The following TNR variants were observed in gnomAD, a reference collection of about 807,000 sequenced individuals.
The protein encoded by TNR is tenascin R.
In TNR, 45 loss-of-function variants were observed where a neutral mutation model predicts 150.4. The ratio of observed to expected loss-of-function variants is 0.30; its 90% confidence interval spans 0.24 to 0.38. The LOEUF (loss-of-function observed/expected upper bound fraction) is 0.38, where lower values mean the gene tolerates loss of function less well. Among genes scored for constraint, TNR ranks in the 10% least tolerant of loss-of-function variants. The pLI, the probability that TNR is intolerant of heterozygous loss-of-function variation, is 1.00. For synonymous variants in TNR, 687 were observed against 678.4 expected (o/e 1.01, Z -0.20); for missense variants, 1,544 against 1,759.1 (o/e 0.88, Z 2.19).
chr1:175,730,436 C>A (rs1315131713), intron 1 of TNR, among the ~76,000 whole-genome samples: 2 of 152,322 alleles, frequency 1.3e-5, no homozygotes, highest in East Asian at 1.9e-4. Flanking sequence ...CTACTCCAAC[C>A]AGATTGGGAG....
intron 1 of TNR, among the ~76,000 whole-genome samples, chr1:175,713,746 A>ATC (rs1667083134): frequency 6.6e-6 from 1 of 152,150 alleles, no homozygotes; most frequent in Non-Finnish European, 1.5e-5. Flanking sequence ...CAAAAGAACC[A>ATC]TCTCTGATCA....
intron 1 of TNR, among the ~76,000 whole-genome samples, chr1:175,529,825 G>T (rs1659995728): frequency 1.3e-5 from 2 of 152,028 alleles, no homozygotes; most frequent in Admixed American, 6.6e-5. Context: ...CTCTCAGAAA[G>T]CTTGTCCAAT....
intron 1 of TNR, among the ~76,000 whole-genome samples, chr1:175,682,317 A>T (rs1666058218): frequency 6.6e-6 from 1 of 152,160 alleles, no homozygotes. Flanking sequence ...TAAGCTCCTA[A>T]ATCCTCACAA....
intron 1 of TNR, among the ~76,000 whole-genome samples, chr1:175,667,180 C>T (rs1408767669): frequency 2.0e-5 from 3 of 152,178 alleles, no homozygotes; most frequent in African/African-American, 7.2e-5. Flanking sequence ...CATCTTCCTT[C>T]ACTCCCTAAG....
chr1:175,598,951 C>T (rs909554585), intron 1 of TNR, among the ~76,000 whole-genome samples: 1 of 152,246 alleles, frequency 6.6e-6, no homozygotes, highest in African/African-American at 2.4e-5. Context: ...AGGAACCCCT[C>T]CCTCTTTGTT....
intron 2 of TNR, among the ~76,000 whole-genome samples, chr1:175,503,695 G>A (rs914662127): frequency 2.6e-5 from 4 of 152,132 alleles, no homozygotes; most frequent in African/African-American, 4.8e-5. Flanking sequence ...ATCTCATGAC[G>A]CTCCATTCAC....
rs532162943 is a variant in TNR at position 175,396,443 on chromosome 1, G to A, written c.1240+101C>T. ...CCCCTCAAGGGCAATAACTATTCCA[G>A]GCATCCCTGAAGAACTAAGAAAAGA... On this transcript the variant is annotated intron_variant, in intron 5 of 22. Transcript: ENST00000367674. The A allele has an allele frequency of 2.2e-5, 31 of 1,422,836 alleles. No individual in the cohort carries two copies. The African/African-American group carries it at 4.0e-4, about 18-fold the overall frequency. The allele number at this position is 1,422,836 out of a possible 1,614,324, so 88.1% of individuals were successfully genotyped here.
chr1:175,665,099 T>C (rs1665497209), intron 1 of TNR, among the ~76,000 whole-genome samples: 1 of 152,244 alleles, frequency 6.6e-6, no homozygotes, highest in Non-Finnish European at 1.5e-5. Context: ...GTTAGCCAGT[T>C]GGTCTTCTAA....
chr1:175,706,327 A>G (rs1666841234), intron 1 of TNR, among the ~76,000 whole-genome samples: 1 of 152,200 alleles, frequency 6.6e-6, no homozygotes, highest in South Asian at 2.1e-4. Flanking sequence ...AATAAAACTT[A>G]GGGTCCAAAT....
At chr1:175,364,105 T>C (rs1399878138) in intron 12 of TNR, among the ~76,000 whole-genome samples, 1 of 152,012 alleles carries the variant, frequency 6.6e-6, no homozygotes, top group East Asian at 1.9e-4. Context: ...ACTAGGAACT[T>C]TTTTTTTAAG....
chr1:175,416,555 T>G (rs943023893), intron 2 of TNR, among the ~76,000 whole-genome samples: 2 of 152,210 alleles, frequency 1.3e-5, no homozygotes, highest in Admixed American at 6.5e-5. Flanking sequence ...TTATTCTTCT[T>G]GAAGAGTCAT....
At chr1:175,686,955 G>C (rs1187356242) in intron 1 of TNR, among the ~76,000 whole-genome samples, 1 of 152,200 alleles carries the variant, frequency 6.6e-6, no homozygotes, top group Non-Finnish European at 1.5e-5. Context: ...AAATATGTGA[G>C]TGCAGGTGTA....
intron 1 of TNR, among the ~76,000 whole-genome samples, chr1:175,565,479 A>C (rs1340756899): frequency 1.3e-5 from 2 of 152,216 alleles, no homozygotes; most frequent in East Asian, 3.9e-4. Flanking sequence ...ACCCACTGGG[A>C]GCAATTCCAC....
Position 175,354,536 on chromosome 1 carries a change from C to A in TNR, c.3250-13G>T. 7 of 1,613,656 alleles carry A rather than the reference C, an allele frequency of 4.3e-6. No homozygotes were observed. The highest frequency in any genetic ancestry group is 5.9e-6 in the Non-Finnish European group (7 of 1,179,862). ...CCACAATCAGCTCCTGTATAATGAG[C>A]CAAAGGAAGGGTGGTGGAAGGGAGC... On this transcript the variant is annotated splice_polypyrimidine_tract_variant and intron_variant, in intron 17 of 22. Coordinates refer to ENST00000367674, the MANE Select transcript of TNR (RefSeq NM_003285.3).
intron 1 of TNR, among the ~76,000 whole-genome samples, chr1:175,530,597 A>G (rs1198474048): frequency 6.6e-6 from 1 of 152,224 alleles, no homozygotes; most frequent in Non-Finnish European, 1.5e-5. Context: ...TTTTTAACTG[A>G]AATACTCTGC....
At chr1:175,538,865 G>T (rs41266102) in intron 1 of TNR, 1 of 152,236 alleles carries the variant, frequency 6.6e-6, no homozygotes, top group African/African-American at 2.4e-5. Flanking sequence ...TCAAGAACTT[G>T]AGGCAGAGGC....
chr1:175,466,797 G>T (rs1322999100), intron 2 of TNR, among the ~76,000 whole-genome samples: 1 of 152,120 alleles, frequency 6.6e-6, no homozygotes, highest in Non-Finnish European at 1.5e-5. Flanking sequence ...CCTCCATCTG[G>T]CATGTTCTAC....
At chr1:175,374,553 T>A (rs1280860903) in intron 9 of TNR, among the ~76,000 whole-genome samples, 2 of 152,198 alleles carry the variant, frequency 1.3e-5, no homozygotes, top group Non-Finnish European at 2.9e-5. Flanking sequence ...TGTACATGTG[T>A]GCATGTGGTG....
rs61731107 is a variant in TNR, at chr1:175,362,686, C to T, written c.2831G>A (p.Arg944His). The change falls in exon 14 of 23, where the codon CGC becomes CAC. Residue 944 changes from arginine (R) to histidine (H), a missense_variant. Physicochemically the swap from Arg to His is conservative, Grantham distance 29. Coordinates refer to ENST00000367674, the MANE Select transcript of TNR (RefSeq NM_003285.3). ...NSVRGREESERICTLVHTAMD... is the reference protein window; with the variant it reads ...NSVRGREESEHICTLVHTAMD... ...ACCTGTGTGCACAAGAGTACAGATG[C>T]GCTCGCTTTCCTCCCTGCCCCGCAC... is the stretch of plus-strand genomic sequence containing the variant. 9.9e-6 allele frequency: 16 copies of T among 1,613,896 alleles called. No individual in the cohort carries two copies. Among genetic ancestry groups the T allele is most frequent in the Middle Eastern group, 1.6e-4 (1 of 6,082 alleles).
Sources: allele counts gnomAD v4.1 joint callset (sites outside exome capture counted in the v4.1 genomes callset), GRCh38; gene constraint gnomAD v4.1.1; transcripts MANE v1.5; gene names NCBI Gene and HGNC (gene_info 2026-07-23, HGNC 2026-07-21).